The following AGMO variants were observed in gnomAD, a reference collection of about 807,000 sequenced individuals.
AGMO encodes the protein alkylglycerol monooxygenase.
Under a neutral mutation model 60.2 loss-of-function variants are expected in AGMO, and 75 were observed. That is an observed-to-expected ratio of 1.25 (90% CI 1.03 to 1.51). AGMO has a LOEUF of 1.51. AGMO is among the 40% of genes most tolerant of loss of function. The pLI is 0.00. For missense variants in AGMO, 763 were observed against 525.5 expected, an observed-to-expected ratio of 1.45 and a Z score of -4.42; for synonymous variants, 261 against 177.1, an observed-to-expected ratio of 1.47 and a Z score of -3.76.
chr7:15,356,391 A>T (rs1264011491), intron 12 of AGMO, among the ~76,000 whole-genome samples: 3 of 152,210 alleles, frequency 2.0e-5, no homozygotes, highest in African/African-American at 7.2e-5. Context: ...AATACATTTT[A>T]AAAATAAACA....
the AGMO span, among the ~76,000 whole-genome samples, chr7:15,161,503 TGTC>T: frequency 6.6e-6 from 1 of 151,644 alleles, no homozygotes; most frequent in Non-Finnish European, 1.5e-5. Flanking sequence ...TACACACATA[TGTC>T]ATATATGTAT....
chr7:15,499,991 A>G (rs932933633), intron 3 of AGMO, among the ~76,000 whole-genome samples: 2 of 150,902 alleles, frequency 1.3e-5, no homozygotes, highest in African/African-American at 4.8e-5. Flanking sequence ...TTGAAGTAAG[A>G]GTTAGTAAAA....
intron 12 of AGMO, among the ~76,000 whole-genome samples, chr7:15,292,613 T>C (rs532750048): frequency 3.2e-4 from 49 of 152,144 alleles, no homozygotes; most frequent in Non-Finnish European, 4.3e-4. Flanking sequence ...TTATAAAATA[T>C]TATTTTTGGG....
chr7:15,209,293 G>C (rs1329505202), intron 12 of AGMO, among the ~76,000 whole-genome samples: 1 of 152,076 alleles, frequency 6.6e-6, no homozygotes, highest in Non-Finnish European at 1.5e-5. Context: ...ATGCAGAATA[G>C]CATGCAATAC....
chr7:15,357,031 G>A (rs1000442789), intron 12 of AGMO, among the ~76,000 whole-genome samples: 6 of 151,590 alleles, frequency 4.0e-5, no homozygotes, highest in South Asian at 2.1e-4. Context: ...GGCTGAGGCA[G>A]GAGAATCGCT....
intron 10 of AGMO, among the ~76,000 whole-genome samples, chr7:15,377,853 G>C (rs1783516621): frequency 6.6e-6 from 1 of 151,942 alleles, no homozygotes; most frequent in Non-Finnish European, 1.5e-5. Flanking sequence ...TGAAGTCTAA[G>C]CATTTTGGTG....
At chr7:15,505,594 G>A (rs1458895440) in intron 3 of AGMO, among the ~76,000 whole-genome samples, 1 of 151,732 alleles carries the variant, frequency 6.6e-6, no homozygotes, top group Admixed American at 6.6e-5. Flanking sequence ...TCTACTTTTT[G>A]TTACACAGTT....
At chr7:15,324,410 C>A (rs1781274628) in intron 12 of AGMO, among the ~76,000 whole-genome samples, 1 of 152,132 alleles carries the variant, frequency 6.6e-6, no homozygotes, top group Non-Finnish European at 1.5e-5. Context: ...TGGGTTATTC[C>A]TACTATTACA....
At chr7:15,348,784 G>C (rs1191671370) in intron 12 of AGMO, among the ~76,000 whole-genome samples, 2 of 152,034 alleles carry the variant, frequency 1.3e-5, no homozygotes, top group East Asian at 3.9e-4. Context: ...CCACTATTTT[G>C]GTTGGTTTAA....
intron 3 of AGMO, among the ~76,000 whole-genome samples, chr7:15,510,391 T>G (rs1158359912): frequency 1.3e-5 from 2 of 151,892 alleles, no homozygotes; most frequent in Admixed American, 6.6e-5. Context: ...TTGCCCAGGC[T>G]AATTTTGAAC....
At chr7:15,466,022 T>C (rs1782275372) in intron 3 of AGMO, among the ~76,000 whole-genome samples, 1 of 152,148 alleles carries the variant, frequency 6.6e-6, no homozygotes, top group African/African-American at 2.4e-5. Context: ...TACTTCTTTA[T>C]AAGTTGGGGG....
intron 8 of AGMO, among the ~76,000 whole-genome samples, 171 bp from the exon 9 acceptor site, chr7:15,387,711 T>C (rs1783974754): frequency 6.6e-6 from 1 of 152,216 alleles, no homozygotes; most frequent in African/African-American, 2.4e-5. Flanking sequence ...ATCTATTCTA[T>C]GCACTGTATA....
At chr7:15,199,767 C>A (rs1022743098), downstream of AGMO, among the ~76,000 whole-genome samples, 1 of 152,104 alleles carries the variant, frequency 6.6e-6, no homozygotes, top group Admixed American at 6.6e-5. Context: ...TATAGGCTTA[C>A]GTATTGTCTA....
At chr7:15,262,544 G>A (rs1425518970) in intron 12 of AGMO, among the ~76,000 whole-genome samples, 1 of 151,948 alleles carries the variant, frequency 6.6e-6, no homozygotes, top group Non-Finnish European at 1.5e-5. Flanking sequence ...ACTGCCAATA[G>A]CAGTCTACAA....
chr7:15,494,321 G>A (rs1783163146), intron 3 of AGMO, among the ~76,000 whole-genome samples: 1 of 152,126 alleles, frequency 6.6e-6, no homozygotes, highest in Admixed American at 6.5e-5. Flanking sequence ...TGTTAAAACT[G>A]AATTTCATAC....
chr7:15,377,408 C>A (rs1215373731), intron 10 of AGMO, among the ~76,000 whole-genome samples: 1 of 151,946 alleles, frequency 6.6e-6, no homozygotes, highest in Admixed American at 6.6e-5. Context: ...GTAGAGAAAT[C>A]TTGAGAAAAC....
At chr7:15,171,222 C>G in the AGMO span, among the ~76,000 whole-genome samples, 1 of 152,098 alleles carries the variant, frequency 6.6e-6, no homozygotes, top group Non-Finnish European at 1.5e-5. Flanking sequence ...ACCTCGTGAT[C>G]CACCTGCCTC....
intron 3 of AGMO, among the ~76,000 whole-genome samples, chr7:15,486,272 G>T (rs968610954): frequency 6.6e-6 from 1 of 152,094 alleles, no homozygotes; most frequent in Non-Finnish European, 1.5e-5. Context: ...TGACAGTAAC[G>T]GGTACCATTG....
intron 3 of AGMO, among the ~76,000 whole-genome samples, chr7:15,494,117 T>G (rs1253899501): frequency 4.6e-5 from 7 of 152,170 alleles, no homozygotes; most frequent in Non-Finnish European, 1.0e-4. Flanking sequence ...CATATACGTC[T>G]AGGATTTGGC....
Sources: gnomAD v4.1 joint callset for allele counts (sites outside exome capture counted in the v4.1 genomes callset) on GRCh38, gnomAD v4.1.1 for gene constraint, MANE v1.5 for transcripts, NCBI Gene and HGNC (gene_info 2026-07-23, HGNC 2026-07-21) for gene names.